The following BPTF variants were observed in gnomAD, a reference collection of about 807,000 sequenced individuals.
The protein encoded by BPTF is bromodomain PHD finger transcription factor, also known as nucleosome-remodeling factor subunit BPTF.
A neutral mutation model predicts 292.5 loss-of-function variants in BPTF; 18 were observed. The observed-to-expected ratio is 0.06, with a 90% CI of 0.04 to 0.09. The LOEUF (loss-of-function observed/expected upper bound fraction) is 0.09, where lower values mean the gene tolerates loss of function less well. Among genes scored for constraint, BPTF ranks in the 10% least tolerant of loss-of-function variants. The pLI, the probability that BPTF is intolerant of heterozygous loss-of-function variation, is 1.00. For synonymous variants in BPTF, 1,225 were observed against 1,251.9 expected (o/e 0.98, Z 0.45); for missense variants, 2,726 against 3,498.7 (o/e 0.78, Z 5.57).
intron 1 of BPTF, among the ~76,000 whole-genome samples, chr17:67,834,611 T>G (rs940022205): frequency 2.0e-5 from 3 of 152,190 alleles, no homozygotes; most frequent in African/African-American, 7.2e-5. Flanking sequence ...CTTCCTAAAG[T>G]CCATAAACCT....
At chr17:67,835,827 G>A (rs533104278) in intron 1 of BPTF, among the ~76,000 whole-genome samples, 5 of 152,020 alleles carry the variant, frequency 3.3e-5, no homozygotes, top group African/African-American at 7.2e-5. Context: ...CACCATGCCC[G>A]GCTAATTTTT....
intron 18 of BPTF, among the ~76,000 whole-genome samples, chr17:67,937,296 A>G (rs2147734473): frequency 6.6e-6 from 1 of 152,040 alleles, no homozygotes; most frequent in Middle Eastern, 3.4e-3. Flanking sequence ...TCTCTACTAA[A>G]AATACAAAAA....
At chr17:67,844,489 C>G (rs1374588385) in intron 1 of BPTF, among the ~76,000 whole-genome samples, 1 of 151,880 alleles carries the variant, frequency 6.6e-6, no homozygotes, top group Non-Finnish European at 1.5e-5. Flanking sequence ...CCTCGTGATC[C>G]GCCCGCCTTG....
chr17:67,912,176 T>C lies in BPTF; in HGVS notation c.4292T>C (p.Val1431Ala), dbSNP rs142307832. The C allele has an allele frequency of 4.1e-4, 653 of 1,610,260 alleles. 5 individuals carry two copies. In the African/African-American group the frequency reaches 8.0e-3, roughly 20 times the overall value. Residue 1431 changes from valine (V) to alanine (A), a missense_variant, in exon 11 of 28, where the codon GTA becomes GCA. Val to Ala is a moderately conservative substitution (Grantham distance 64, BLOSUM62 0). This residue lies in a region of BPTF where 713 missense variants were observed against 714.9 expected (regional missense o/e 1.00). Transcript: ENST00000306378. The part of the protein sequence containing the change: ...ECLKEISESR[V>A]VSGNVEPKVN... ...TTGAAAGAAATTTCTGAGAGTAGAG[T>C]AGTAAGTGGTAATGTTGAACCAAAG...
At position 67,843,754 on chromosome 17, in the gene BPTF, C is replaced by CTTTTTTTTTTTT. The variant is rs56335701; in HGVS notation, c.614-10169_614-10158dup. On this transcript the variant is annotated intron_variant, in intron 1 of 27. Transcript: ENST00000306378. ...TTTTTAAATTGTCTGGAGCAGTTGT[C>CTTTTTTTTTTTT]TTTTTTTTTTTTTTTTTTTTTTTTT... is the stretch of plus-strand genomic sequence containing the variant. Among the ~76,000 whole-genome samples the CTTTTTTTTTTTT allele has an allele frequency of 1.4e-3, 88 of 62,224 alleles. 16 individuals carry two copies. The highest frequency in any genetic ancestry group is 0.011 in the Middle Eastern group (1 of 88). The allele number at this position is 62,224 out of a possible 152,430, so 40.8% of individuals were successfully genotyped here.
chr17:67,909,448 CT>C (rs78628269), intron 9 of BPTF, 133 bp from the exon 10 acceptor site: 112,437 of 498,576 alleles, frequency 0.23, no homozygotes, highest in East Asian at 0.28. Flanking sequence ...AGACCTTTGT[CT>C]TTTTTTTTTT....
At chr17:67,878,910 G>A (rs1034655977) in intron 4 of BPTF, among the ~76,000 whole-genome samples, 1 of 152,016 alleles carries the variant, frequency 6.6e-6, no homozygotes, top group Non-Finnish European at 1.5e-5. Flanking sequence ...ATAACTTGTT[G>A]TGATGTATTT....
intron 14 of BPTF, among the ~76,000 whole-genome samples, chr17:67,923,193 C>T (rs2063578645): frequency 6.6e-6 from 1 of 151,458 alleles, no homozygotes; most frequent in African/African-American, 2.4e-5. Context: ...GTACCTAGGA[C>T]TACAGGTGCA....
Position 67,918,901 on chromosome 17 carries a change from G to C in BPTF, c.5428+63G>C. The C allele has an allele frequency of 3.2e-6, 5 of 1,553,148 alleles. No homozygotes were observed. In the South Asian group the frequency reaches 4.5e-5, roughly 14 times the overall value. ...AAAGCTAAAATCACAGGCCAGGCGTGGGCGCTCATGCCTGTAATCCCAGCA... is the reference window on the plus strand; with the variant it reads ...AAAGCTAAAATCACAGGCCAGGCGTCGGCGCTCATGCCTGTAATCCCAGCA... On this transcript the variant is annotated intron_variant, in intron 12 of 27. Transcript: ENST00000306378.
chr17:67,905,138 G>A (rs1454326392), intron 9 of BPTF, among the ~76,000 whole-genome samples: 3 of 152,096 alleles, frequency 2.0e-5, no homozygotes, highest in Non-Finnish European at 2.9e-5. Flanking sequence ...AGCCAGGCGC[G>A]GTGGTTCACG....
At chr17:67,839,183 A>G (rs1266666458) in intron 1 of BPTF, among the ~76,000 whole-genome samples, 1 of 152,184 alleles carries the variant, frequency 6.6e-6, no homozygotes, top group East Asian at 1.9e-4. Flanking sequence ...CTCCAAAGCA[A>G]TGTTAAATGT....
intron 26 of BPTF, among the ~76,000 whole-genome samples, chr17:67,972,463 C>T (rs2068869657): frequency 6.6e-6 from 1 of 152,026 alleles, no homozygotes; most frequent in African/African-American, 2.4e-5. Context: ...AGGCTGGTCT[C>T]GAACTCTTGA....
intron 18 of BPTF, 145 bp downstream of exon 18, chr17:67,932,164 C>A: frequency 1.5e-6 from 1 of 664,770 alleles, no homozygotes. Flanking sequence ...ATTGTGAGCT[C>A]TATTCATTGA....
chr17:67,927,321 T>C (rs8065275), intron 15 of BPTF, among the ~76,000 whole-genome samples: 25,391 of 152,158 alleles, frequency 0.17, 4,035 homozygotes, highest in African/African-American at 0.42. Context: ...TATTGTTACT[T>C]ATCACACCAC....
In BPTF at chr17:67,911,562, T is replaced by G. The variant is rs769961728; in HGVS notation, c.3678T>G (p.Ile1226Met). 6.2e-7 allele frequency: 1 copy of G among 1,614,154 alleles called. No individual in the cohort carries two copies. Among genetic ancestry groups the G allele is most frequent in the Admixed American group, 1.7e-5 (1 of 60,008 alleles). Reference protein sequence around the residue: ...DDSKLASADDIGTLICKNKKP... With the variant: ...DDSKLASADDMGTLICKNKKP... The stretch of plus-strand genomic sequence containing the variant: ...CTAAACTAGCCAGTGCAGATGATAT[T>G]GGTACTTTGATCTGTAAGAACAAAA... Residue 1226 changes from isoleucine to methionine, a missense_variant, in exon 11 of 28, where the codon ATT becomes ATG. Ile to Met is a conservative substitution (Grantham distance 10). This residue lies in a region of BPTF where 713 missense variants were observed against 714.9 expected (regional missense o/e 1.00). Transcript: ENST00000306378.
At chr17:67,978,198 A>G (rs1283430092) in intron 27 of BPTF, among the ~76,000 whole-genome samples, 2 of 151,702 alleles carry the variant, frequency 1.3e-5, no homozygotes, top group Non-Finnish European at 2.9e-5. Context: ...CTATGACCCA[A>G]GCTAATCTTG....
chr17:67,849,953 A>AT (rs2058289324), intron 1 of BPTF, among the ~76,000 whole-genome samples: 1 of 151,964 alleles, frequency 6.6e-6, no homozygotes, highest in Non-Finnish European at 1.5e-5. Flanking sequence ...AAAAAAAAAA[A>AT]TTCAGGTTCT....
chr17:67,918,196 A>G (rs1457425923), intron 11 of BPTF, among the ~76,000 whole-genome samples: 1 of 152,176 alleles, frequency 6.6e-6, no homozygotes, highest in Non-Finnish European at 1.5e-5. Flanking sequence ...TCGGCCTCCC[A>G]CAGTGCTGGG....
intron 9 of BPTF, among the ~76,000 whole-genome samples, chr17:67,908,826 ATT>A (rs34934455): frequency 0.014 from 1,518 of 106,014 alleles, 17 homozygotes; most frequent in African/African-American, 0.051. Context: ...GTCACTGACA[ATT>A]TTTTTTTTTT....
Sources: gnomAD v4.1 joint callset for allele counts (sites outside exome capture counted in the v4.1 genomes callset) on GRCh38, gnomAD v4.1.1 for gene constraint, gnomAD v4.1.1 regional missense constraint, MANE v1.5 for transcripts, NCBI Gene and HGNC (gene_info 2026-07-23, HGNC 2026-07-21) for gene names.